USP9X: variants seen among roughly 807,000 people sequenced by gnomAD.
USP9X encodes ubiquitin specific peptidase 9 X-linked.
A neutral mutation model predicts 190.3 loss-of-function variants in USP9X; 7 were observed. The ratio of observed to expected loss-of-function variants is 0.04; its 90% CI spans 0.02 to 0.07. USP9X has a LOEUF of 0.07. Among genes scored for constraint, USP9X ranks in the 10% least tolerant of loss-of-function variants. The pLI is 1.00. For synonymous variants in USP9X, 645 were observed against 659.5 expected (o/e 0.98, Z 0.34); for missense variants, 1,010 against 1,916.9 (o/e 0.53, Z 8.83).
chrX:41,184,240 A>C (rs916014014), intron 22 of USP9X, 112 bp downstream of exon 22: 3 of 1,003,637 alleles, frequency 3.0e-6, no homozygotes, highest in Non-Finnish European at 4.0e-6. Flanking sequence ...ATTTGGGTAA[A>C]ATTGTAATGA....
intron 21 of USP9X, among the ~76,000 whole-genome samples, chrX:41,183,371 G>A (rs1293265358): frequency 4.5e-5 from 5 of 110,780 alleles, no homozygotes; most frequent in Non-Finnish European, 9.4e-5. Flanking sequence ...TATTAATAAA[G>A]TTGGAATATT....
chrX:41,102,333 C>T (rs1961502), intron 1 of USP9X, among the ~76,000 whole-genome samples: 17,094 of 111,212 alleles, frequency 0.15, 1,177 homozygotes, highest in East Asian at 0.4. Context: ...AAAAATGTTA[C>T]TAGACTGGGT....
At chrX:41,185,733 C>G (rs1393249807) in intron 23 of USP9X, among the ~76,000 whole-genome samples, 1 of 109,314 alleles carries the variant, frequency 9.1e-6, no homozygotes, top group Admixed American at 9.8e-5. Context: ...TTGTCATGAT[C>G]CCTGACACAG....
chrX:41,178,798 T>A (rs898143933), intron 21 of USP9X, among the ~76,000 whole-genome samples: 4 of 112,252 alleles, frequency 3.6e-5, no homozygotes, highest in Non-Finnish European at 7.5e-5. Flanking sequence ...ACTAATGACA[T>A]GAAACATTTC....
At chrX:41,119,153 CT>C (rs2062172366) in intron 1 of USP9X, among the ~76,000 whole-genome samples, 1 of 111,528 alleles carries the variant, frequency 9.0e-6, no homozygotes. Context: ...GACCTTCTGG[CT>C]TAAAGCAGTT....
chrX:41,128,815 G>A (rs2062280475), intron 2 of USP9X, among the ~76,000 whole-genome samples, 185 bp from the exon 3 acceptor site: 1 of 111,905 alleles, frequency 8.9e-6, no homozygotes, highest in African/African-American at 3.3e-5. Flanking sequence ...TCAGCACATA[G>A]GCAATTTTTT....
At chrX:41,159,190 A>G (rs2062605866) in intron 14 of USP9X, among the ~76,000 whole-genome samples, 1 of 112,166 alleles carries the variant, frequency 8.9e-6, no homozygotes, top group African/African-American at 3.2e-5. Context: ...GCCAATGAGC[A>G]CTTGAAAAGA....
chrX:41,201,966 G>T (rs558634779), intron 31 of USP9X, among the ~76,000 whole-genome samples: 1 of 110,415 alleles, frequency 9.1e-6, no homozygotes, highest in Admixed American at 9.5e-5. Context: ...GCGAGACTCC[G>T]TCTCAAAAAA....
chrX:41,221,012 C>T (rs1329323921), intron 38 of USP9X, among the ~76,000 whole-genome samples: 2 of 108,444 alleles, frequency 1.8e-5, no homozygotes, highest in African/African-American at 6.7e-5. Flanking sequence ...GTCTGTAATC[C>T]CAGCACTTTG....
intron 2 of USP9X, among the ~76,000 whole-genome samples, chrX:41,127,574 T>G (rs1278816952): frequency 8.9e-6 from 1 of 112,373 alleles, no homozygotes; most frequent in Non-Finnish European, 1.9e-5. Context: ...ACATTTTTGT[T>G]GGACTTGTAA....
In USP9X at chrX:41,233,301, A is replaced by G. The variant is rs1309376130; in HGVS notation, c.*777A>G. On this transcript the variant is annotated 3_prime_UTR_variant, in exon 45 of 45. Coordinates refer to ENST00000378308, the MANE Select transcript of USP9X (RefSeq NM_001039591.3). ...CTTCTTACACCTAGAATATTAAAAT[A>G]TAAAACAAGGGGAGAAATGTGACAG... 8.9e-6 allele frequency: 1 copy of G among 112,325 alleles called. No individual in the cohort carries two copies. Among genetic ancestry groups the G allele is most frequent in the Non-Finnish European group, 1.9e-5 (1 of 53,297 alleles). The allele number at this position is 112,325 out of a possible 1,213,427, so 9.3% of individuals were successfully genotyped here.
At chrX:41,162,069 A>G (rs2086063427) in intron 14 of USP9X, among the ~76,000 whole-genome samples, 1 of 111,793 alleles carries the variant, frequency 8.9e-6, no homozygotes, top group Admixed American at 9.5e-5. Context: ...TCAAAACCAA[A>G]TATGTTTCCA....
At chrX:41,226,984 A>G (rs2063319581) in intron 41 of USP9X, among the ~76,000 whole-genome samples, 3 of 111,800 alleles carry the variant, frequency 2.7e-5, no homozygotes, top group Non-Finnish European at 3.8e-5. Flanking sequence ...AAGCACTTAC[A>G]GTTTTAAACC....
intron 1 of USP9X, among the ~76,000 whole-genome samples, chrX:41,107,522 T>G (rs1278614600): frequency 2.7e-5 from 3 of 112,509 alleles, no homozygotes; most frequent in African/African-American, 9.7e-5. Context: ...CTTGAATTTA[T>G]CCTACTTGGA....
At chrX:41,206,946 C>T (rs900006026) in intron 32 of USP9X, among the ~76,000 whole-genome samples, 3 of 108,002 alleles carry the variant, frequency 2.8e-5, no homozygotes, top group East Asian at 2.9e-4. Context: ...CAACCATGCC[C>T]GGCCAAGTTT....
chrX:41,150,313 T>TA (rs1420249586), intron 12 of USP9X, among the ~76,000 whole-genome samples: 2 of 111,830 alleles, frequency 1.8e-5, no homozygotes, highest in Non-Finnish European at 3.8e-5. Context: ...AGAAGTAAAA[T>TA]ACCATAATTG....
intron 28 of USP9X, 37 bp downstream of exon 28, chrX:41,196,775 T>A (rs759118257): frequency 5.0e-6 from 5 of 1,008,773 alleles, no homozygotes; most frequent in Non-Finnish European, 6.7e-6. Flanking sequence ...TATGTCATTA[T>A]TAGTAAATAG....
At chrX:41,219,852 G>T (rs987199923) in intron 38 of USP9X, among the ~76,000 whole-genome samples, 9 of 111,263 alleles carry the variant, frequency 8.1e-5, no homozygotes, top group Non-Finnish European at 1.7e-4. Flanking sequence ...GGATGTAGTG[G>T]CATATGCCTG....
intron 1 of USP9X, among the ~76,000 whole-genome samples, chrX:41,107,908 T>C (rs1310102420): frequency 8.9e-6 from 1 of 112,004 alleles, no homozygotes; most frequent in African/African-American, 3.2e-5. Context: ...TCTTTAAGCA[T>C]GGTTTCCTTT....
Sources: gnomAD v4.1 joint callset for allele counts (sites outside exome capture counted in the v4.1 genomes callset) on GRCh38, gnomAD v4.1.1 for gene constraint, MANE v1.5 for transcripts, NCBI Gene and HGNC (gene_info 2026-07-23, HGNC 2026-07-21) for gene names.